The following PHIP variants were observed in gnomAD, a reference collection of about 807,000 sequenced individuals.
PHIP encodes the protein PH-interacting protein.
PHIP carries 54 observed loss-of-function variants against 236.8 expected under a neutral mutation model. That is an observed-to-expected ratio of 0.23 (90% confidence interval 0.18 to 0.29). PHIP has a LOEUF of 0.29. Ranked by LOEUF, PHIP falls within the 10% of genes least tolerant of loss-of-function variation. The pLI, the probability that PHIP is intolerant of heterozygous loss-of-function variation, is 1.00. For synonymous variants in PHIP, 756 were observed against 718.9 expected, an observed-to-expected ratio of 1.05 and a Z score of -0.83; for missense variants, 1,370 against 2,190.8, an observed-to-expected ratio of 0.63 and a Z score of 7.48.
intron 19 of PHIP, among the ~76,000 whole-genome samples, chr6:78,997,212 T>C (rs1428324021): frequency 6.6e-6 from 1 of 152,126 alleles, no homozygotes; most frequent in African/African-American, 2.4e-5. Flanking sequence ...TTAACACGTA[T>C]CATTCTTATC....
intron 6 of PHIP, among the ~76,000 whole-genome samples, chr6:79,058,458 A>G (rs925185103): frequency 4.6e-5 from 7 of 152,134 alleles, no homozygotes; most frequent in Non-Finnish European, 1.0e-4. Flanking sequence ...TTTACAAAAA[A>G]TGACTAACAC....
chr6:78,994,889 T>C (rs1447533715), intron 19 of PHIP, among the ~76,000 whole-genome samples: 2 of 152,212 alleles, frequency 1.3e-5, no homozygotes, highest in African/African-American at 4.8e-5. Flanking sequence ...AAATTAGGTA[T>C]GTAGTTTTTT....
rs79257699 is a variant in PHIP, at chr6:78,980,181, C to T, written c.2770-1470G>A. Among the ~76,000 whole-genome samples the T allele has an allele frequency of 7.8e-4, 118 of 152,062 alleles. 1 individual carries two copies. Among genetic ancestry groups the T allele is most frequent in the African/African-American group, 2.3e-3 (95 of 41,524 alleles). The stretch of plus-strand genomic sequence containing the variant: ...TGCCACAATTTTCATAAATTTTTAT[C>T]GGAACACAGCCATACCCATTTATGT... On this transcript the variant is annotated intron_variant, in intron 23 of 39. Transcript: ENST00000275034.
chr6:79,003,167 G>A (rs1457615537), intron 16 of PHIP, among the ~76,000 whole-genome samples: 2 of 152,016 alleles, frequency 1.3e-5, no homozygotes, highest in African/African-American at 4.8e-5. Flanking sequence ...TTATTTAGCA[G>A]GCTGAAATGA....
At chr6:79,016,451 T>C (rs1770836992) in intron 13 of PHIP, 93 bp downstream of exon 13, 7 of 590,026 alleles carry the variant, frequency 1.2e-5, no homozygotes, top group Non-Finnish European at 5.8e-6. Flanking sequence ...TTTAACATGA[T>C]ATATAATTTT....
chr6:79,058,990 ATTT>A (rs1189275673), intron 6 of PHIP, among the ~76,000 whole-genome samples: 2 of 151,938 alleles, frequency 1.3e-5, no homozygotes, highest in Non-Finnish European at 2.9e-5. Context: ...CGTCTCTCAA[ATTT>A]TTTTGTTGTT....
intron 35 of PHIP, 88 bp from the exon 36 acceptor site, chr6:78,947,863 T>C (rs952165902): frequency 2.4e-6 from 2 of 824,624 alleles, no homozygotes; most frequent in African/African-American, 3.4e-5. Flanking sequence ...ATTTTTATGA[T>C]GACTGCAAGT....
chr6:79,054,548 A>G (rs6928518), intron 6 of PHIP, among the ~76,000 whole-genome samples: 1 of 151,674 alleles, frequency 6.6e-6, no homozygotes, highest in Non-Finnish European at 1.5e-5. Flanking sequence ...AATATAGCAT[A>G]TTAGAAAAAG....
intron 4 of PHIP, among the ~76,000 whole-genome samples, chr6:79,067,102 G>C (rs772126261): frequency 1.3e-5 from 2 of 152,098 alleles, no homozygotes; most frequent in African/African-American, 4.8e-5. Flanking sequence ...GCCCAGGCTA[G>C]TCTGGAACTC....
chr6:78,958,723 C>T, intron 31 of PHIP, 123 bp from the exon 32 acceptor site: 1 of 658,588 alleles, frequency 1.5e-6, no homozygotes, highest in South Asian at 1.8e-5. Flanking sequence ...AACCATTGGT[C>T]TTATAAAGTC....
At chr6:79,036,132 T>C (rs1216294460) in intron 7 of PHIP, among the ~76,000 whole-genome samples, 1 of 152,198 alleles carries the variant, frequency 6.6e-6, no homozygotes, top group Non-Finnish European at 1.5e-5. Flanking sequence ...CTCTATTCAA[T>C]ACTCTTCTAT....
intron 27 of PHIP, among the ~76,000 whole-genome samples, chr6:78,967,264 C>T (rs1767202795): frequency 6.6e-6 from 1 of 152,192 alleles, no homozygotes; most frequent in African/African-American, 2.4e-5. Flanking sequence ...AGTTGTTCCT[C>T]AGATGCATAC....
intron 9 of PHIP, among the ~76,000 whole-genome samples, chr6:79,021,910 A>T (rs963052509): frequency 6.6e-6 from 1 of 152,200 alleles, no homozygotes; most frequent in African/African-American, 2.4e-5. Flanking sequence ...AAATGCTTAA[A>T]GGGATGGAGA....
intron 26 of PHIP, 36 bp from the exon 27 acceptor site, chr6:78,969,953 T>G (rs1276369205): frequency 7.1e-6 from 11 of 1,542,796 alleles, no homozygotes; most frequent in Non-Finnish European, 9.8e-6. Flanking sequence ...TTAGGTCACA[T>G]ACCTAAAAAT....
At chr6:78,955,323 A>C (rs1766342429) in intron 33 of PHIP, 41 bp from the exon 34 acceptor site, 1 of 1,377,610 alleles carries the variant, frequency 7.3e-7, no homozygotes, top group Admixed American at 1.7e-5. Context: ...AACATTTTAG[A>C]TGTCATTATA....
chr6:79,066,771 A>G (rs1011811116), intron 4 of PHIP, among the ~76,000 whole-genome samples: 1 of 152,270 alleles, frequency 6.6e-6, no homozygotes, highest in East Asian at 1.9e-4. Flanking sequence ...ATTTAAAATT[A>G]GAAAGTAAAA....
At chr6:78,998,442 C>A (rs1769768504) in intron 17 of PHIP, 51 bp from the exon 18 acceptor site, 5 of 1,485,874 alleles carry the variant, frequency 3.4e-6, no homozygotes, top group Non-Finnish European at 4.7e-6. Context: ...CTATTCAAAC[C>A]ATTTTACTCA....
Position 79,077,933 on chromosome 6 carries a change from G to C in PHIP, c.41-20C>G. On this transcript the variant is annotated intron_variant, in intron 1 of 39. Transcript: ENST00000275034. Reference sequence around the variant, plus strand: ...AGAGCTCTGCGCGGGAGAGAGGGACGGGGAGACACACAGGCTGAGCGGTCG... The same window carrying C: ...AGAGCTCTGCGCGGGAGAGAGGGACCGGGAGACACACAGGCTGAGCGGTCG... The C allele has an allele frequency of 1.3e-6, 2 of 1,593,592 alleles. No homozygotes were observed. The highest frequency in any genetic ancestry group is 1.1e-5 in the South Asian group (1 of 88,880).
chr6:78,955,562 T>C (rs1329262411), intron 33 of PHIP, 51 bp downstream of exon 33: 1 of 654,442 alleles, frequency 1.5e-6, no homozygotes. Context: ...ATATGTAAAT[T>C]TTTTTATATA....
Sources: gnomAD v4.1 joint callset for allele counts (sites outside exome capture counted in the v4.1 genomes callset) on GRCh38, gnomAD v4.1.1 for gene constraint, MANE v1.5 for transcripts, NCBI Gene and HGNC (gene_info 2026-07-23, HGNC 2026-07-21) for gene names.